PLXNA2: variants seen among roughly 807,000 people sequenced by gnomAD.
PLXNA2 encodes plexin-A2.
In PLXNA2, 91 loss-of-function variants were observed where a neutral mutation model predicts 193.5. The observed-to-expected ratio is 0.47, with a 90% CI of 0.40 to 0.56. PLXNA2 has a LOEUF of 0.56. PLXNA2 is among the 20% of genes least tolerant of loss of function. The pLI is 0.00. For missense variants in PLXNA2, 1,995 were observed against 2,503.2 expected, an observed-to-expected ratio of 0.80 and a Z score of 4.33; for synonymous variants, 997 against 1,027.3, an observed-to-expected ratio of 0.97 and a Z score of 0.56.
chr1:208,151,779 T>C (rs570955986), intron 3 of PLXNA2, among the ~76,000 whole-genome samples: 3 of 152,336 alleles, frequency 2.0e-5, no homozygotes, highest in South Asian at 4.1e-4. Context: ...AGCTAGAAAG[T>C]GGCAGAGTGA....
At position 208,045,207 on chromosome 1, in the gene PLXNA2, T is replaced by G. The variant is rs1271274717; in HGVS notation, c.3499A>C (p.Lys1167Gln). ...KPGSPIILKG[K>Q]NLCPPASGGA... Reference sequence around the variant, plus strand: ...CCAGAGGCAGGAGGGCAGAGGTTTTTGCCCTGTAGAGAATAGCAGTCTTTA... The same window carrying G: ...CCAGAGGCAGGAGGGCAGAGGTTTTGGCCCTGTAGAGAATAGCAGTCTTTA... The change falls in exon 19 of 32, where the codon AAA becomes CAA. Residue 1167 changes from lysine to glutamine, a missense_variant. Around this residue, in one of 3 missense-constraint regions of PLXNA2, gnomAD observed 1,291 missense variants for 1,673.6 expected, o/e 0.77. Coordinates refer to ENST00000367033, the MANE Select transcript of PLXNA2 (RefSeq NM_025179.4). 1 of 1,614,072 alleles carries G rather than the reference T, an allele frequency of 6.2e-7. No homozygotes were observed.
At chr1:208,099,131 A>G (rs1667012012) in intron 5 of PLXNA2, among the ~76,000 whole-genome samples, 162 bp from the exon 6 acceptor site, 6 of 152,236 alleles carry the variant, frequency 3.9e-5, no homozygotes, top group Admixed American at 3.9e-4. Flanking sequence ...ACTCTCAGAC[A>G]GTCTCCGTCG....
chr1:208,030,574 C>T, intron 29 of PLXNA2: 1 of 985,406 alleles, frequency 1.0e-6, no homozygotes, highest in Non-Finnish European at 1.2e-6. Context: ...GAGGAAGGCT[C>T]AGCGACCACA....
chr1:208,097,237 AAGCAAGTCCTG>A (rs1458009375), intron 6 of PLXNA2, among the ~76,000 whole-genome samples: 1 of 152,178 alleles, frequency 6.6e-6, no homozygotes, highest in Non-Finnish European at 1.5e-5. Context: ...ACAAACTTGA[AAGCAAGTCCTG>A]AGCCGAGCCC....
chr1:208,060,934 T>TGG, intron 12 of PLXNA2, 97 bp from the exon 13 acceptor site: 31 of 1,060,180 alleles, frequency 2.9e-5, no homozygotes, highest in Non-Finnish European at 4.1e-5. Context: ...AGAACCTCCA[T>TGG]AGGTTCTTAA....
chr1:208,029,066 T>A (rs201470160), intron 29 of PLXNA2, 24 bp from the exon 30 acceptor site: 1 of 1,613,636 alleles, frequency 6.2e-7, no homozygotes, highest in East Asian at 2.2e-5. Context: ...CAGAGAAGAC[T>A]TGAGAATGCA....
At chr1:208,219,526 C>T (rs929014207) in intron 1 of PLXNA2, among the ~76,000 whole-genome samples, 13 of 151,170 alleles carry the variant, frequency 8.6e-5, no homozygotes, top group Non-Finnish European at 7.4e-5. Context: ...TGGAAACACC[C>T]GAAGGATGGA....
rs1271237583 is a variant in PLXNA2, at chr1:208,236,939, T to C, written c.-81+6704A>G. ...CTTCCCAGTGCAGGGGTCAGTTCCC[T>C]GACAGCATCACTGATGTGGCTCCCC... is the stretch of plus-strand genomic sequence containing the variant. On this transcript the variant is annotated intron_variant, in intron 1 of 31. Transcript: ENST00000367033. The surrounding 1 kb of genome is among the most constrained non-coding windows in gnomAD (Gnocchi z 4.4). 6.6e-6 allele frequency among the ~76,000 whole-genome samples: 1 copy of C among 152,226 alleles called. No homozygotes were observed. The highest frequency in any genetic ancestry group is 6.5e-5 in the Admixed American group (1 of 15,292).
At chr1:208,205,575 G>T (rs1392264457) in intron 3 of PLXNA2, among the ~76,000 whole-genome samples, 2 of 152,178 alleles carry the variant, frequency 1.3e-5, no homozygotes, top group African/African-American at 2.4e-5. Flanking sequence ...CTCTGCCTCA[G>T]CCTGTCCTCC....
Position 208,027,143 on chromosome 1 carries a change from A to G in PLXNA2, c.*100T>C. ...CAGGATGGGGTCTCAGGGGACAGCA[A>G]GCTCTGGGGCCTGATCCCCATCACT... On this transcript the variant is annotated 3_prime_UTR_variant, in exon 32 of 32. Coordinates refer to ENST00000367033, the MANE Select transcript of PLXNA2 (RefSeq NM_025179.4). 1 of 1,096,200 alleles carries G rather than the reference A, an allele frequency of 9.1e-7. No individual in the cohort carries two copies. Among genetic ancestry groups the G allele is most frequent in the South Asian group, 1.3e-5 (1 of 75,712 alleles). 67.9% of individuals were successfully genotyped at this position (1,096,200 alleles called of 1,614,324 possible). A position where few individuals can be genotyped will look rare whatever the true frequency, so the allele number is the denominator to read the frequency against.
chr1:208,117,916 A>G (rs899757892), intron 4 of PLXNA2, among the ~76,000 whole-genome samples: 1 of 152,168 alleles, frequency 6.6e-6, no homozygotes, highest in African/African-American at 2.4e-5. Flanking sequence ...TTCCAATTTG[A>G]GGCTGTGTTT....
At chr1:208,155,071 A>T (rs1668895883) in intron 3 of PLXNA2, among the ~76,000 whole-genome samples, 1 of 152,144 alleles carries the variant, frequency 6.6e-6, no homozygotes. Context: ...GTCCTTTCCA[A>T]GGGAGCAGGA....
chr1:208,201,272 G>C (rs949763791), intron 3 of PLXNA2, among the ~76,000 whole-genome samples: 6 of 152,234 alleles, frequency 3.9e-5, no homozygotes, highest in African/African-American at 1.4e-4. Flanking sequence ...ACATGCAAAG[G>C]GGGAGAATGG....
chr1:208,074,666 T>C (rs181545425), intron 12 of PLXNA2, among the ~76,000 whole-genome samples: 37 of 152,304 alleles, frequency 2.4e-4, no homozygotes, highest in Admixed American at 5.9e-4. Flanking sequence ...TTTTCTAACG[T>C]AGAACTCCTT....
chr1:208,090,791 G>A (rs1666681122), intron 9 of PLXNA2, among the ~76,000 whole-genome samples: 1 of 152,164 alleles, frequency 6.6e-6, no homozygotes, highest in Admixed American at 6.5e-5. Context: ...CTTTCAAAGT[G>A]GCCCATGTCA....
chr1:208,044,462 G>A lies in PLXNA2; in HGVS notation c.3874+46C>T. 7.4e-7 allele frequency: 1 copy of A among 1,345,374 alleles called. No homozygotes were observed. Among genetic ancestry groups the A allele is most frequent in the South Asian group, 1.2e-5 (1 of 85,396 alleles). 83.3% of individuals were successfully genotyped at this position (1,345,374 alleles called of 1,614,324 possible). On this transcript the variant is annotated intron_variant, in intron 20 of 31. Coordinates refer to ENST00000367033, the MANE Select transcript of PLXNA2 (RefSeq NM_025179.4). The surrounding 1 kb of genome is among the most constrained non-coding windows in gnomAD (Gnocchi z 4.9). The stretch of plus-strand genomic sequence containing the variant: ...CTGCAGGGAGAAGGGCAATAAGGCA[G>A]GTGGAGAAAGAGGGACCCAGCAAAT...
chr1:208,049,294 C>G (rs1665176179), intron 17 of PLXNA2, among the ~76,000 whole-genome samples: 1 of 139,938 alleles, frequency 7.1e-6, no homozygotes, highest in African/African-American at 2.6e-5. Context: ...AAACATGTAC[C>G]TAATTTGCTT....
In PLXNA2 at chr1:208,027,302, G is replaced by C; in HGVS notation, c.5626C>G (p.Arg1876Gly). The change falls in exon 32 of 32, where the codon CGG (arginine) becomes GGG (glycine). Residue 1876 changes from arginine (R) to glycine (G), a missense_variant. Arg to Gly is a moderately radical substitution (Grantham distance 125, BLOSUM62 -2). This residue lies in a region of PLXNA2 where 1,291 missense variants were observed against 1,673.6 expected (regional missense o/e 0.77). Transcript: ENST00000367033. ...GALEQDEQAR[R>G]QRLAYKVEQL... Reference sequence around the variant, plus strand: ...TCCACCTTATAAGCCAGCCGCTGCCGCCGTGCCTGCTCATCCTGCTCTAGG... The same window carrying C: ...TCCACCTTATAAGCCAGCCGCTGCCCCCGTGCCTGCTCATCCTGCTCTAGG... The C allele has an allele frequency of 6.2e-7, 1 of 1,613,374 alleles. No homozygotes were observed. Among genetic ancestry groups the C allele is most frequent in the Non-Finnish European group, 8.5e-7 (1 of 1,179,966 alleles).
intron 3 of PLXNA2, among the ~76,000 whole-genome samples, chr1:208,187,429 T>G (rs188520224): frequency 6.6e-4 from 101 of 152,098 alleles, no homozygotes; most frequent in African/African-American, 2.0e-3. Context: ...GAGGCTGGAT[T>G]TGGAAGGGAG....
Sources: gnomAD v4.1 joint callset for allele counts (sites outside exome capture counted in the v4.1 genomes callset) on GRCh38, gnomAD v4.1.1 for gene constraint, gnomAD v4.1.1 regional missense constraint, Gnocchi (gnomAD v3.1) non-coding constraint, MANE v1.5 for transcripts, NCBI Gene and HGNC (gene_info 2026-07-23, HGNC 2026-07-21) for gene names.